The following KAZN variants were observed in gnomAD, a reference collection of about 807,000 sequenced individuals.
KAZN encodes kazrin, periplakin interacting protein, also known as kazrin.
KAZN carries 40 observed loss-of-function variants against 87.4 expected under a neutral mutation model. The ratio of observed to expected loss-of-function variants is 0.46; its 90% CI spans 0.36 to 0.60. The LOEUF is 0.60. Among genes scored for constraint, KAZN ranks in the 20% least tolerant of loss-of-function variants. The probability of loss-of-function intolerance (pLI) is 0.00; values close to 1 mark genes in which losing one functional copy is unlikely to be tolerated. For missense variants in KAZN, 898 were observed against 1,073.9 expected (o/e 0.84, Z 2.29); for synonymous variants, 466 against 458.3 (o/e 1.02, Z -0.22).
At chr1:14,186,669 C>T (rs902702341) in intron 2 of KAZN, among the ~76,000 whole-genome samples, 8 of 152,212 alleles carry the variant, frequency 5.3e-5, no homozygotes, top group Admixed American at 1.3e-4. Context: ...TGGATGGTCT[C>T]GCCATGACTG....
intron 2 of KAZN, among the ~76,000 whole-genome samples, chr1:14,503,721 C>T (rs1199317011): frequency 2.0e-5 from 3 of 151,842 alleles, no homozygotes; most frequent in Non-Finnish European, 4.4e-5. Context: ...TTATTATTCC[C>T]ATTTTACAGA....
At position 14,307,536 on chromosome 1, in the gene KAZN, G is replaced by A. The variant is rs151180680; in HGVS notation, c.249+126944G>A. Among the ~76,000 whole-genome samples, 773 of 152,298 alleles carry A rather than the reference G, an allele frequency of 5.1e-3. 9 individuals are homozygous for A. The highest frequency in any genetic ancestry group is 0.018 in the African/African-American group (737 of 41,560). On this transcript the variant is annotated intron_variant, in intron 2 of 16. Coordinates refer to the KAZN transcript ENST00000636203. ...AGACGTGGAAACTGAAACTCAAAGAGGTTAAGGGACTTCCTCCAAGACCAT... is the reference window on the plus strand; with the variant it reads ...AGACGTGGAAACTGAAACTCAAAGAAGTTAAGGGACTTCCTCCAAGACCAT...
At chr1:14,069,206 A>C (rs930871719) in intron 1 of KAZN, among the ~76,000 whole-genome samples, 5 of 152,192 alleles carry the variant, frequency 3.3e-5, no homozygotes, top group Non-Finnish European at 7.3e-5. Flanking sequence ...CTGGTAAGTG[A>C]GTCTGTAGCT....
At chr1:14,640,511 C>T (rs570930182) in intron 1 of KAZN, among the ~76,000 whole-genome samples, 1 of 152,296 alleles carries the variant, frequency 6.6e-6, no homozygotes, top group East Asian at 1.9e-4. Context: ...TACTTGGTTT[C>T]TATCCTGGGT....
intron 1 of KAZN, among the ~76,000 whole-genome samples, chr1:14,862,184 G>A (rs1171734424): frequency 6.6e-6 from 1 of 152,204 alleles, no homozygotes; most frequent in African/African-American, 2.4e-5. Context: ...GATTCGCACA[G>A]ATCTCAAATC....
At chr1:14,272,070 G>A (rs143914334) in intron 2 of KAZN, among the ~76,000 whole-genome samples, 1,537 of 152,322 alleles carry the variant, frequency 0.01, 94 homozygotes, top group Admixed American at 0.091. Flanking sequence ...AGTGTTTATA[G>A]AGTGGAACAA....
chr1:14,408,722 C>T (rs1042890465), intron 2 of KAZN, among the ~76,000 whole-genome samples: 1 of 152,126 alleles, frequency 6.6e-6, no homozygotes, highest in African/African-American at 2.4e-5. Flanking sequence ...GGAGTTATAG[C>T]ATCAACATAT....
intron 2 of KAZN, among the ~76,000 whole-genome samples, chr1:14,478,377 TA>T (rs1406960647): frequency 6.6e-6 from 1 of 152,032 alleles, no homozygotes; most frequent in Non-Finnish European, 1.5e-5. Context: ...AGAATGAATC[TA>T]TCTAGGTGGA....
intron 1 of KAZN, among the ~76,000 whole-genome samples, chr1:14,844,738 G>A (rs1208697538): frequency 1.3e-5 from 2 of 150,476 alleles, no homozygotes; most frequent in Non-Finnish European, 3.0e-5. Context: ...GGTTGGTAGG[G>A]CAGCCTGAGA....
At chr1:14,105,974 A>G (rs1237111208) in intron 1 of KAZN, among the ~76,000 whole-genome samples, 2 of 152,242 alleles carry the variant, frequency 1.3e-5, no homozygotes, top group Non-Finnish European at 2.9e-5. Flanking sequence ...CCTTGCAGCA[A>G]TCTGGTGGCT....
intron 1 of KAZN, among the ~76,000 whole-genome samples, chr1:14,127,389 C>T (rs924810367): frequency 7.5e-6 from 1 of 133,444 alleles, no homozygotes; most frequent in Non-Finnish European, 1.5e-5. Context: ...AAGCATACCC[C>T]TTTACTGTTG....
At chr1:14,612,493 C>A (rs1404053687) in intron 1 of KAZN, among the ~76,000 whole-genome samples, 2 of 152,092 alleles carry the variant, frequency 1.3e-5, no homozygotes, top group Non-Finnish European at 2.9e-5. Flanking sequence ...AATCTGGGTT[C>A]AAGGGAATGA....
At chr1:14,905,660 A>C (rs1351470083) in intron 1 of KAZN, among the ~76,000 whole-genome samples, 1 of 151,982 alleles carries the variant, frequency 6.6e-6, no homozygotes, top group African/African-American at 2.4e-5. Flanking sequence ...CCTGGCCAAC[A>C]TGGTGAAAAC....
At chr1:14,496,723 C>T (rs1669961845) in intron 2 of KAZN, among the ~76,000 whole-genome samples, 1 of 151,836 alleles carries the variant, frequency 6.6e-6, no homozygotes, top group Admixed American at 6.6e-5. Flanking sequence ...CTCAGTCACA[C>T]TGAAGCATCT....
intron 5 of KAZN, among the ~76,000 whole-genome samples, chr1:15,058,646 G>A (rs146070396): frequency 4.9e-4 from 75 of 152,312 alleles, no homozygotes; most frequent in Middle Eastern, 3.4e-3. Context: ...TCTGGGATTC[G>A]ACAGGATAAG....
intron 1 of KAZN, among the ~76,000 whole-genome samples, chr1:14,813,487 T>C (rs1251693062): frequency 6.6e-6 from 1 of 152,212 alleles, no homozygotes; most frequent in African/African-American, 2.4e-5. Context: ...TTGCCAGCCA[T>C]GTGAGTGAGT....
At chr1:14,554,631 T>C (rs1323069685) in intron 2 of KAZN, among the ~76,000 whole-genome samples, 1 of 152,178 alleles carries the variant, frequency 6.6e-6, no homozygotes, top group African/African-American at 2.4e-5. Flanking sequence ...ACAGAGGCAA[T>C]TTAGAGGAAA....
intron 1 of KAZN, among the ~76,000 whole-genome samples, chr1:14,167,176 C>T (rs1406100206): frequency 6.6e-6 from 1 of 152,156 alleles, no homozygotes; most frequent in African/African-American, 2.4e-5. Context: ...TGGGATTATG[C>T]CCATGTATTA....
intron 1 of KAZN, among the ~76,000 whole-genome samples, chr1:14,620,420 G>A (rs1037958231): frequency 2.0e-5 from 3 of 152,166 alleles, no homozygotes; most frequent in South Asian, 2.1e-4. Flanking sequence ...AATTATCACC[G>A]TTGTTATTAT....
Sources: gnomAD v4.1 joint callset for allele counts (sites outside exome capture counted in the v4.1 genomes callset) on GRCh38, gnomAD v4.1.1 for gene constraint, MANE v1.5 for transcripts, NCBI Gene and HGNC (gene_info 2026-07-23, HGNC 2026-07-21) for gene names.